TRANK1: variants seen among roughly 807,000 people sequenced by gnomAD.
TRANK1 encodes tetratricopeptide repeat and ankyrin repeat containing 1, also known as TPR and ankyrin repeat-containing protein 1.
TRANK1 carries 198 observed loss-of-function variants against 266.0 expected under a neutral mutation model. The observed-to-expected ratio is 0.74, with a 90% confidence interval of 0.66 to 0.84. The LOEUF (loss-of-function observed/expected upper bound fraction) is 0.84. TRANK1 is among the 40% of genes least tolerant of loss of function. The pLI is 0.00. For missense variants in TRANK1, 3,326 were observed against 3,634.6 expected (o/e 0.92, Z 2.18); for synonymous variants, 1,396 against 1,384.1 (o/e 1.01, Z -0.19).
At position 36,857,218 on chromosome 3, in the gene TRANK1, T is replaced by C. The variant is rs779214160; in HGVS notation, c.2504A>G (p.Glu835Gly). 3 of 1,613,886 alleles carry C rather than the reference T, an allele frequency of 1.9e-6. No homozygotes were observed. The highest frequency in any genetic ancestry group is 1.3e-5 in the African/African-American group (1 of 75,066). ...CAGCATTTCTGAAGTGCACTCGATC[T>C]CCCAGGTCATGTTATCGAAGTCCTG... ...CLQDFDNMTWEIECTSEMLKK... is the reference protein window; with the variant it reads ...CLQDFDNMTWGIECTSEMLKK... The change falls in exon 13 of 24, where the codon GAG becomes GGG. Residue 835 changes from glutamate to glycine, a missense_variant. Coordinates refer to ENST00000645898, the MANE Select transcript of TRANK1 (RefSeq NM_001329998.2). The surrounding 1 kb of genome is among the most constrained non-coding windows in gnomAD (Gnocchi z 4.3).
chr3:36,827,972 A>G lies in TRANK1; in HGVS notation c.*303T>C, dbSNP rs115295310. The G allele has an allele frequency of 6.4e-3, 1,704 of 266,042 alleles. 30 individuals are homozygous for G. Among genetic ancestry groups the G allele is most frequent in the African/African-American group, 0.035 (1,588 of 45,582 alleles). 16.5% of individuals were successfully genotyped at this position (266,042 alleles called of 1,614,324 possible). A position where few individuals can be genotyped will look rare whatever the true frequency, so the allele number is the denominator to read the frequency against. ...ATGTCATGATGGGGATGAGCCAGACACCCCAGGGACCATGCAGTGAGGAGT... is the reference window on the plus strand; with the variant it reads ...ATGTCATGATGGGGATGAGCCAGACGCCCCAGGGACCATGCAGTGAGGAGT... On this transcript the variant is annotated 3_prime_UTR_variant, in exon 24 of 24. Coordinates refer to ENST00000645898, the MANE Select transcript of TRANK1 (RefSeq NM_001329998.2).
intron 20 of TRANK1, among the ~76,000 whole-genome samples, chr3:36,835,180 G>A (rs1050082970): frequency 2.7e-5 from 4 of 150,754 alleles, no homozygotes; most frequent in African/African-American, 4.9e-5. Context: ...TTAGCCGGGC[G>A]TAGTGGCGGG....
chr3:36,908,098 G>A (rs775401634), intron 2 of TRANK1, among the ~76,000 whole-genome samples: 3 of 152,208 alleles, frequency 2.0e-5, no homozygotes, highest in Non-Finnish European at 4.4e-5. Flanking sequence ...GCCAGAACGG[G>A]AAGTTTTGTT....
intron 1 of TRANK1, among the ~76,000 whole-genome samples, chr3:36,924,349 T>G (rs2080258933): frequency 6.6e-6 from 1 of 152,196 alleles, no homozygotes; most frequent in East Asian, 1.9e-4. Flanking sequence ...CTTGGCAGGA[T>G]GTCCCAAGAG....
In TRANK1 at chr3:36,879,715, T is replaced by C. The variant is rs113920867; in HGVS notation, c.908-5419A>G. Reference sequence around the variant, plus strand: ...ATATATAAATATAAATATAAATATATAAATATATAAATATATATAAATATA... The same window carrying C: ...ATATATAAATATAAATATAAATATACAAATATATAAATATATATAAATATA... On this transcript the variant is annotated intron_variant, in intron 8 of 23. Coordinates refer to ENST00000645898, the MANE Select transcript of TRANK1 (RefSeq NM_001329998.2). Among the ~76,000 whole-genome samples, 16 of 102,426 alleles carry C rather than the reference T, an allele frequency of 1.6e-4. 2 individuals are homozygous for C. Among genetic ancestry groups the C allele is most frequent in the East Asian group, 7.7e-4 (2 of 2,590 alleles). The allele number at this position is 102,426 out of a possible 152,430, so 67.2% of individuals were successfully genotyped here. A position where few individuals can be genotyped will look rare whatever the true frequency, so the allele number is the denominator to read the frequency against.
intron 3 of TRANK1, among the ~76,000 whole-genome samples, chr3:36,901,139 G>T (rs546385963): frequency 2.7e-5 from 4 of 145,534 alleles, no homozygotes; most frequent in African/African-American, 7.6e-5. Flanking sequence ...AAGGGGATCA[G>T]AATATGCCAC....
intron 1 of TRANK1, among the ~76,000 whole-genome samples, chr3:36,910,214 A>C (rs1262809828): frequency 6.6e-6 from 1 of 152,260 alleles, no homozygotes; most frequent in Non-Finnish European, 1.5e-5. Flanking sequence ...CTAGTGCATA[A>C]GTAAATCAAA....
At chr3:36,931,694 C>T (rs1392587097) in intron 1 of TRANK1, among the ~76,000 whole-genome samples, 1 of 152,014 alleles carries the variant, frequency 6.6e-6, no homozygotes, top group Non-Finnish European at 1.5e-5. Context: ...ACAGCAAGAC[C>T]CTGTCACAAA....
chr3:36,854,564 T>C (rs1218619944), intron 13 of TRANK1, among the ~76,000 whole-genome samples: 1 of 152,224 alleles, frequency 6.6e-6, no homozygotes, highest in East Asian at 1.9e-4. Context: ...TATTCCAGCA[T>C]TGGTACCCTG....
At chr3:36,902,965 TAGA>T (rs1188564826) in intron 3 of TRANK1, among the ~76,000 whole-genome samples, 181 bp downstream of exon 3, 1 of 152,234 alleles carries the variant, frequency 6.6e-6, no homozygotes. Flanking sequence ...CAAAGAGATC[TAGA>T]AGAACTCCTA....
chr3:36,842,814 T>A (rs1317816199), intron 17 of TRANK1, 104 bp from the exon 18 acceptor site: 7 of 1,018,608 alleles, frequency 6.9e-6, no homozygotes, highest in Non-Finnish European at 1.1e-5. Flanking sequence ...TCAAATTCAC[T>A]TGTTAAAGTC....
intron 1 of TRANK1, among the ~76,000 whole-genome samples, chr3:36,934,733 G>A (rs904953700): frequency 2.6e-5 from 4 of 152,124 alleles, no homozygotes; most frequent in African/African-American, 9.7e-5. Context: ...AAAGACTTGA[G>A]CCAAAAATCA....
At position 36,855,414 on chromosome 3, in the gene TRANK1, A is replaced by C. The variant is rs1437997701; in HGVS notation, c.4308T>G (p.Gly1436=). ...VLPWSIHELY[G]DEIQDFTQAE... The stretch of plus-strand genomic sequence containing the variant: ...CCTGGGTAAAGTCTTGAATCTCATC[A>C]CCATAGAGCTCGTGGATGGACCATG... Residue 1436 remains glycine (G), a synonymous_variant, in exon 13 of 24, where the codon GGT becomes GGG. Transcript: ENST00000645898. 1 of 1,613,946 alleles carries C rather than the reference A, an allele frequency of 6.2e-7. No homozygotes were observed. The highest frequency in any genetic ancestry group is 1.7e-5 in the Admixed American group (1 of 60,016).
At chr3:36,885,675 C>T (rs1301677978) in intron 8 of TRANK1, among the ~76,000 whole-genome samples, 1 of 152,206 alleles carries the variant, frequency 6.6e-6, no homozygotes, top group East Asian at 1.9e-4. Flanking sequence ...GCTAGGACTA[C>T]AGGCCTGTGC....
intron 5 of TRANK1, 26 bp downstream of exon 5, chr3:36,895,614 C>T (rs1169248466): frequency 5.8e-6 from 8 of 1,383,748 alleles, no homozygotes; most frequent in African/African-American, 1.4e-5. Context: ...GTACTCTCCC[C>T]GTGAGAGCCA....
rs1022431174 is a variant in TRANK1, at chr3:36,889,372, G to A, written c.907+457C>T. ...TTCCTTGCATGTGCAAGCCTCACTC[G>A]CTCATGTGCCTAGTCTGGCCCCAGC... On this transcript the variant is annotated intron_variant, in intron 8 of 23. Transcript: ENST00000645898. 5.9e-5 allele frequency among the ~76,000 whole-genome samples: 9 copies of A among 152,126 alleles called. No individual in the cohort carries two copies. In the East Asian group the frequency reaches 1.2e-3, roughly 20 times the overall value.
At chr3:36,940,714 T>C (rs1423581198) in intron 1 of TRANK1, among the ~76,000 whole-genome samples, 1 of 152,204 alleles carries the variant, frequency 6.6e-6, no homozygotes, top group East Asian at 1.9e-4. Flanking sequence ...CTACATGACA[T>C]TAACTCCGTT....
At chr3:36,936,833 G>A (rs1295508962) in intron 1 of TRANK1, among the ~76,000 whole-genome samples, 1 of 152,216 alleles carries the variant, frequency 6.6e-6, no homozygotes, top group Non-Finnish European at 1.5e-5. Context: ...ACGGCATGAT[G>A]GCTCACGCCT....
Position 36,913,597 on chromosome 3 carries a change from T to G in TRANK1, c.24-5143A>C, listed in dbSNP as rs762170037. Among the ~76,000 whole-genome samples, 7 of 152,184 alleles carry G rather than the reference T, an allele frequency of 4.6e-5. No homozygotes were observed. In the South Asian group the frequency reaches 1.5e-3, roughly 32 times the overall value. On this transcript the variant is annotated intron_variant, in intron 1 of 23. Transcript: ENST00000645898. Reference sequence around the variant, plus strand: ...GACAGTCAAGGATAAAAATCCAAAGTCAGAATATATCCTGGGGACTTCAAT... The same window carrying G: ...GACAGTCAAGGATAAAAATCCAAAGGCAGAATATATCCTGGGGACTTCAAT...
Sources: gnomAD v4.1 joint callset for allele counts (sites outside exome capture counted in the v4.1 genomes callset) on GRCh38, gnomAD v4.1.1 for gene constraint, Gnocchi (gnomAD v3.1) non-coding constraint, MANE v1.5 for transcripts, NCBI Gene and HGNC (gene_info 2026-07-23, HGNC 2026-07-21) for gene names.